RBM33: variants seen among roughly 807,000 people sequenced by gnomAD.
The protein encoded by RBM33 is RNA-binding protein 33.
Under a neutral mutation model 132.6 loss-of-function variants are expected in RBM33, and 28 were observed. The ratio of observed to expected loss-of-function variants is 0.21; its 90% CI spans 0.16 to 0.29. The LOEUF is 0.29. RBM33 is among the 10% of genes least tolerant of loss of function. The probability of loss-of-function intolerance (pLI) is 1.00; values close to 1 mark genes in which losing one functional copy is unlikely to be tolerated. For missense variants in RBM33, 1,291 were observed against 1,518.5 expected, an observed-to-expected ratio of 0.85 and a Z score of 2.49; for synonymous variants, 634 against 593.0, an observed-to-expected ratio of 1.07 and a Z score of -1.01.
chr7:155,669,217 C>T (rs865824020), intron 2 of RBM33, among the ~76,000 whole-genome samples: 18 of 152,210 alleles, frequency 1.2e-4, no homozygotes, highest in African/African-American at 4.3e-4. Context: ...GTTCTTCTGC[C>T]ATGCTGTACT....
intron 1 of RBM33, among the ~76,000 whole-genome samples, chr7:155,653,502 G>A (rs1798410828): frequency 6.6e-6 from 1 of 152,012 alleles, no homozygotes; most frequent in Non-Finnish European, 1.5e-5. Context: ...GATAGCTTTG[G>A]GGTGGGGGCT....
intron 10 of RBM33, 54 bp from the exon 11 acceptor site, chr7:155,738,006 G>A (rs540822653): frequency 2.0e-6 from 3 of 1,472,226 alleles, no homozygotes; most frequent in Admixed American, 1.7e-5. Flanking sequence ...CTGCTTTTCT[G>A]AGAAGCACAT....
At chr7:155,702,805 T>C (rs1800005466) in intron 6 of RBM33, among the ~76,000 whole-genome samples, 1 of 152,246 alleles carries the variant, frequency 6.6e-6, no homozygotes, top group South Asian at 2.1e-4. Flanking sequence ...TCTTGTTATC[T>C]GGGCTGTGGC....
At chr7:155,723,066 G>A (rs1254423285) in intron 9 of RBM33, among the ~76,000 whole-genome samples, 1 of 152,180 alleles carries the variant, frequency 6.6e-6, no homozygotes, top group South Asian at 2.1e-4. Context: ...TTACTCTGTA[G>A]TTACAGAACA....
Position 155,739,857 on chromosome 7 carries a change from C to T in RBM33, c.1880C>T (p.Pro627Leu). The T allele has an allele frequency of 2.0e-6, 3 of 1,533,592 alleles. No individual in the cohort carries two copies. The highest frequency in any genetic ancestry group is 2.6e-6 in the Non-Finnish European group (3 of 1,137,426). 95.0% of individuals were successfully genotyped at this position (1,533,592 alleles called of 1,614,324 possible). ...CACCAGCCCCCACCCCAGCACCCACCACAGCACCCGCCGCAGCACCAGCAC... is the reference window on the plus strand; with the variant it reads ...CACCAGCCCCCACCCCAGCACCCACTACAGCACCCGCCGCAGCACCAGCAC... ...PQHQPPPQHP[P>L]QHPPQHQHHH... The change falls in exon 12 of 18, where the codon CCA (proline) becomes CTA (leucine). Residue 627 changes from proline (P) to leucine (L), a missense_variant. By Grantham distance (98) the Pro-to-Leu change is moderately conservative (BLOSUM62 -3). Transcript: ENST00000401878.
chr7:155,651,845 T>C (rs1798364339), intron 1 of RBM33, among the ~76,000 whole-genome samples: 1 of 152,164 alleles, frequency 6.6e-6, no homozygotes, highest in Non-Finnish European at 1.5e-5. Flanking sequence ...AAATGACCAA[T>C]GAGGACTACA....
rs1585543305 is a variant in RBM33, at chr7:155,763,639, C to T, written c.2980-173C>T. On this transcript the variant is annotated intron_variant, in intron 14 of 17. Coordinates refer to ENST00000401878, the MANE Select transcript of RBM33 (RefSeq NM_053043.3). ...CATATTGTTAGAACCTGACCACTCT[C>T]CAATGAGAAATGTCCTTACTGGCTC... Among the ~76,000 whole-genome samples, 3 of 152,194 alleles carry T rather than the reference C, an allele frequency of 2.0e-5. No homozygotes were observed. The South Asian group carries it at 6.2e-4, about 32-fold the overall frequency.
chr7:155,684,457 C>T (rs1799417801), intron 5 of RBM33, among the ~76,000 whole-genome samples: 1 of 152,174 alleles, frequency 6.6e-6, no homozygotes, highest in Non-Finnish European at 1.5e-5. Flanking sequence ...ATCTTTCTCT[C>T]ATTTGAGAAG....
intron 9 of RBM33, among the ~76,000 whole-genome samples, chr7:155,722,944 TA>T (rs1191220512): frequency 6.6e-6 from 1 of 152,266 alleles, no homozygotes; most frequent in African/African-American, 2.4e-5. Flanking sequence ...AATAATTTCT[TA>T]GTGCCTTTTG....
rs189757600 is a variant in RBM33 at position 155,663,971 on chromosome 7, G to A, written c.44-1204G>A. 1.4e-3 allele frequency among the ~76,000 whole-genome samples: 206 copies of A among 152,278 alleles called. 1 individual carries two copies. Among genetic ancestry groups the A allele is most frequent in the Non-Finnish European group, 2.3e-3 (154 of 68,010 alleles). On this transcript the variant is annotated intron_variant, in intron 1 of 17. Coordinates refer to ENST00000401878, the MANE Select transcript of RBM33 (RefSeq NM_053043.3). ...ATTTTAAAATACGTTGTCAAATTTA[G>A]TGTTCCAGCAAATTTATGAAGTAGA...
chr7:155,702,071 G>A (rs1045353255), intron 6 of RBM33, among the ~76,000 whole-genome samples: 1 of 152,196 alleles, frequency 6.6e-6, no homozygotes, highest in African/African-American at 2.4e-5. Context: ...GTCCTTCCAA[G>A]GAGGAGGGCA....
intron 5 of RBM33, among the ~76,000 whole-genome samples, chr7:155,684,733 G>C (rs1799424503): frequency 6.6e-6 from 1 of 152,180 alleles, no homozygotes; most frequent in Non-Finnish European, 1.5e-5. Context: ...GGCTGGGCCA[G>C]CATGATATGC....
At chr7:155,691,780 G>A (rs575580968) in intron 5 of RBM33, among the ~76,000 whole-genome samples, 1 of 152,232 alleles carries the variant, frequency 6.6e-6, no homozygotes, top group South Asian at 2.1e-4. Context: ...ACCTGGCTGG[G>A]TGCTGTGTCT....
chr7:155,661,099 T>G (rs1162417707), intron 1 of RBM33, among the ~76,000 whole-genome samples: 81 of 44,022 alleles, frequency 1.8e-3, no homozygotes, highest in Non-Finnish European at 2.8e-3. Context: ...GTGTGTGTGG[T>G]GTGTGTGTGT....
intron 9 of RBM33, among the ~76,000 whole-genome samples, chr7:155,728,112 T>C (rs967807958): frequency 2.0e-5 from 3 of 152,158 alleles, no homozygotes; most frequent in African/African-American, 7.2e-5. Context: ...GGATCAGTCA[T>C]TGAATGTTTT....
At chr7:155,721,043 A>G (rs1028793118) in intron 9 of RBM33, among the ~76,000 whole-genome samples, 1 of 152,208 alleles carries the variant, frequency 6.6e-6, no homozygotes, top group African/African-American at 2.4e-5. Context: ...GAGCAAATCA[A>G]GGTTCATTGT....
At chr7:155,648,876 A>G (rs1431188241) in intron 1 of RBM33, among the ~76,000 whole-genome samples, 1 of 152,034 alleles carries the variant, frequency 6.6e-6, no homozygotes, top group Non-Finnish European at 1.5e-5. Context: ...TTGACTGTTA[A>G]TCTTATGGAG....
Position 155,719,646 on chromosome 7 carries a change from C to A in RBM33, c.1260+1203C>A, listed in dbSNP as rs181752726. Among the ~76,000 whole-genome samples, 115 of 152,248 alleles carry A rather than the reference C, an allele frequency of 7.6e-4. 1 individual carries two copies. Among genetic ancestry groups the A allele is most frequent in the Non-Finnish European group, 4.3e-4 (29 of 67,978 alleles). On this transcript the variant is annotated intron_variant, in intron 9 of 17. Transcript: ENST00000401878. ...TCTAAAAAGTCAAGTTTTATTAGAT[C>A]CATTACCCAAGGCTGACATGTATGA...
rs977860480 is a variant in RBM33, at chr7:155,763,824, G to A, written c.2992G>A (p.Asp998Asn). ...IKLSGGGGES[D>N]GFFHPEGQPQ... ...TTGGTTTCAGCAGGGAGGAGAGAGCGATGGCTTTTTTCACCCAGAAGGCCA... is the reference window on the plus strand; with the variant it reads ...TTGGTTTCAGCAGGGAGGAGAGAGCAATGGCTTTTTTCACCCAGAAGGCCA... Residue 998 changes from aspartate (D) to asparagine (N), a missense_variant, in exon 15 of 18, where the codon GAT becomes AAT. Transcript: ENST00000401878. 7 of 1,610,470 alleles carry A rather than the reference G, an allele frequency of 4.3e-6. No individual in the cohort carries two copies. Among genetic ancestry groups the A allele is most frequent in the South Asian group, 2.2e-5 (2 of 90,210 alleles).
Sources: gnomAD v4.1 joint callset for allele counts (sites outside exome capture counted in the v4.1 genomes callset) on GRCh38, gnomAD v4.1.1 for gene constraint, MANE v1.5 for transcripts, NCBI Gene and HGNC (gene_info 2026-07-23, HGNC 2026-07-21) for gene names.